Variants in CAST observed in about 807,000 individuals in gnomAD.
The protein encoded by CAST is calpastatin, also known as MIR583 host.
A neutral mutation model predicts 119.6 loss-of-function variants in CAST; 76 were observed. That is an observed-to-expected ratio of 0.64 (90% confidence interval 0.53 to 0.77). The LOEUF (loss-of-function observed/expected upper bound fraction) is 0.77, where lower values mean the gene tolerates loss of function less well. Ranked by LOEUF, CAST falls within the 30% of genes least tolerant of loss-of-function variation. The pLI is 0.00. For synonymous variants in CAST, 319 were observed against 331.6 expected (o/e 0.96, Z 0.41); for missense variants, 953 against 946.5 (o/e 1.01, Z -0.09).
chr5:96,675,387 C>T, intron 1 of CAST, 152 bp from the exon 2 acceptor site: 1 of 579,742 alleles, frequency 1.7e-6, no homozygotes. Context: ...TTTTGAGAGC[C>T]ACCTATGTTG....
chr5:96,289,541 C>T, the CAST span, among the ~76,000 whole-genome samples: 1 of 152,060 alleles, frequency 6.6e-6, no homozygotes, highest in Non-Finnish European at 1.5e-5. Context: ...CTCTCTCTTC[C>T]CTGCCACCAT....
chr5:96,237,145 A>G, the CAST span, among the ~76,000 whole-genome samples: 7 of 152,160 alleles, frequency 4.6e-5, no homozygotes, highest in African/African-American at 1.7e-4. Context: ...TTTAACAGAA[A>G]CCAAAATGGA....
chr5:96,074,198 T>TAAGTG, the CAST span, among the ~76,000 whole-genome samples: 92,649 of 151,440 alleles, frequency 0.61, 28,466 homozygotes, highest in Non-Finnish European at 0.63. Context: ...TTTGTTTCTG[T>TAAGTG]AAGTGATTCA....
At chr5:96,456,583 T>C in the CAST span, among the ~76,000 whole-genome samples, 1 of 152,220 alleles carries the variant, frequency 6.6e-6, no homozygotes, top group African/African-American at 2.4e-5. Flanking sequence ...CCCTTTAATA[T>C]GCCCAACATA....
intron 1 of CAST, among the ~76,000 whole-genome samples, chr5:96,576,404 G>A (rs1182775833): frequency 6.6e-6 from 1 of 152,080 alleles, no homozygotes; most frequent in African/African-American, 2.4e-5. Flanking sequence ...GAGTGCAGTG[G>A]CACAATCTTG....
the CAST span, among the ~76,000 whole-genome samples, chr5:96,296,221 C>T: frequency 3.2e-4 from 49 of 152,272 alleles, no homozygotes; most frequent in African/African-American, 1.0e-3. Flanking sequence ...CTACATTCTC[C>T]GGCCTGGTTA....
At chr5:96,599,966 C>CACAAAAAAAAAAAA (rs1747115749) in intron 1 of CAST, among the ~76,000 whole-genome samples, 1 of 47,216 alleles carries the variant, frequency 2.1e-5, no homozygotes, top group African/African-American at 6.1e-5. Context: ...CTTCATTAGG[C>CACAAAAAAAAAAAA]AAAAAAAAAA....
Position 96,757,467 on chromosome 5 carries a change from G to A in CAST, c.1734G>A (p.Leu578=). Residue 578 remains leucine (L), a synonymous_variant, in exon 23 of 32, where the codon CTG becomes CTA. Transcript: ENST00000675179. The part of the protein sequence containing the change: ...EVKDKDGKPL[L]PKESKEQLPP... ...AGGATAAAGATGGAAAGCCACTCCT[G>A]CCAAAAGAGTCTAAGGAACAGCTTC... The A allele has an allele frequency of 6.2e-7, 1 of 1,614,034 alleles. No homozygotes were observed. Among genetic ancestry groups the A allele is most frequent in the Non-Finnish European group, 8.5e-7 (1 of 1,179,970 alleles).
the CAST span, among the ~76,000 whole-genome samples, chr5:96,453,856 A>G: frequency 6.6e-6 from 1 of 152,330 alleles, no homozygotes; most frequent in Non-Finnish European, 1.5e-5. Flanking sequence ...ACAAAGTAGC[A>G]TATTTGTTAC....
the CAST span, among the ~76,000 whole-genome samples, chr5:96,488,382 A>G: frequency 6.6e-6 from 1 of 152,210 alleles, no homozygotes; most frequent in Non-Finnish European, 1.5e-5. Flanking sequence ...AAAAACCCTA[A>G]GTATTTGCAA....
At chr5:96,224,846 C>T in the CAST span, among the ~76,000 whole-genome samples, 1 of 152,192 alleles carries the variant, frequency 6.6e-6, no homozygotes, top group African/African-American at 2.4e-5. Context: ...GAAAATAAAG[C>T]ATTTCTTATT....
upstream of CAST, among the ~76,000 whole-genome samples, chr5:96,522,884 A>C (rs893275441): frequency 2.0e-5 from 3 of 152,230 alleles, no homozygotes; most frequent in Admixed American, 6.5e-5. Context: ...ATCCTAAGTA[A>C]AGGGAGAGTC....
chr5:96,334,310 C>T, the CAST span, among the ~76,000 whole-genome samples: 6 of 152,158 alleles, frequency 3.9e-5, no homozygotes, highest in African/African-American at 9.7e-5. Context: ...CTATCACAGT[C>T]ACTGCTTAGT....
intron 3 of CAST, among the ~76,000 whole-genome samples, chr5:96,711,403 C>T (rs1025827855): frequency 5.3e-5 from 8 of 151,844 alleles, no homozygotes; most frequent in African/African-American, 1.5e-4. Flanking sequence ...TCTAGCAGCA[C>T]GTATATAGTT....
At chr5:96,662,672 C>T (rs572161797) in intron 1 of CAST, among the ~76,000 whole-genome samples, 175 bp downstream of exon 1, 1 of 152,180 alleles carries the variant, frequency 6.6e-6, no homozygotes, top group Non-Finnish European at 1.5e-5. Context: ...CTGCAGGTGG[C>T]TTCGGTTCCC....
chr5:96,001,550 A>G, the CAST span, among the ~76,000 whole-genome samples: 1 of 152,222 alleles, frequency 6.6e-6, no homozygotes, highest in Middle Eastern at 3.2e-3. Context: ...AATAAAAGAG[A>G]AAGGCACATA....
At chr5:96,306,606 A>G in the CAST span, among the ~76,000 whole-genome samples, 60 of 152,096 alleles carry the variant, frequency 3.9e-4, 2 homozygotes, top group Admixed American at 3.7e-3. Context: ...ATTTCCCTCT[A>G]CACACTGCTT....
chr5:96,102,851 A>G, the CAST span, among the ~76,000 whole-genome samples: 3 of 152,136 alleles, frequency 2.0e-5, no homozygotes, highest in African/African-American at 4.8e-5. Context: ...GTTGCTTAAG[A>G]AAATGAATAA....
At chr5:96,632,560 A>G (rs1747834795) in intron 1 of CAST, among the ~76,000 whole-genome samples, 1 of 151,532 alleles carries the variant, frequency 6.6e-6, no homozygotes, top group Non-Finnish European at 1.5e-5. Context: ...TTCTTCGAAG[A>G]GTTTTATAGC....
Sources: allele counts gnomAD v4.1 joint callset (sites outside exome capture counted in the v4.1 genomes callset), GRCh38; gene constraint gnomAD v4.1.1; transcripts MANE v1.5; gene names NCBI Gene and HGNC (gene_info 2026-07-23, HGNC 2026-07-21).